The following HIGD1A variants were observed in gnomAD, a reference collection of about 807,000 sequenced individuals.
The protein encoded by HIGD1A is HIG1 hypoxia inducible domain family member 1A.
HIGD1A carries 8 observed loss-of-function variants against 11.3 expected under a neutral mutation model. The ratio of observed to expected loss-of-function variants is 0.71; its 90% CI spans 0.42 to 1.28. The LOEUF (loss-of-function observed/expected upper bound fraction) is 1.28. Among genes scored for constraint, HIGD1A ranks in the 50% most tolerant of loss-of-function variants. HIGD1A has a pLI of 0.01. For missense variants in HIGD1A, 107 were observed against 118.8 expected (o/e 0.90, Z 0.46); for synonymous variants, 32 against 38.4 (o/e 0.83, Z 0.62).
intron 2 of HIGD1A, among the ~76,000 whole-genome samples, chr3:42,787,028 A>G (rs1700360638): frequency 6.6e-6 from 1 of 152,222 alleles, no homozygotes; most frequent in Non-Finnish European, 1.5e-5. Context: ...AGAAATAAAG[A>G]CATAATGGTT....
chr3:42,800,189 T>C (rs1700538363), intron 1 of HIGD1A, among the ~76,000 whole-genome samples: 1 of 151,924 alleles, frequency 6.6e-6, no homozygotes, highest in African/African-American at 2.4e-5. Context: ...TAGCTGGGCA[T>C]AGTGGTGTGC....
intron 1 of HIGD1A, 124 bp downstream of exon 1, chr3:42,804,312 T>A (rs962393330): frequency 2.1e-6 from 2 of 938,806 alleles, no homozygotes; most frequent in Non-Finnish European, 3.2e-6. Flanking sequence ...TCCTCCCTCA[T>A]TCGAGACACG....
intron 2 of HIGD1A, among the ~76,000 whole-genome samples, chr3:42,787,223 T>G (rs147890020): frequency 5.7e-4 from 87 of 151,844 alleles, no homozygotes; most frequent in African/African-American, 2.1e-3. Flanking sequence ...AAAAAACACA[T>G]CCTAGTTTGA....
chr3:42,787,594 A>AAAAAAAAAAAT (rs1383516264), intron 2 of HIGD1A, among the ~76,000 whole-genome samples: 13 of 141,250 alleles, frequency 9.2e-5, no homozygotes, highest in East Asian at 2.1e-4. Context: ...CCATCTCAAA[A>AAAAAAAAAAAT]ATATATATAT....
At chr3:42,793,455 C>T (rs1460983141) in intron 2 of HIGD1A, among the ~76,000 whole-genome samples, 1 of 152,206 alleles carries the variant, frequency 6.6e-6, no homozygotes, top group African/African-American at 2.4e-5. Context: ...CCCCCTCTCC[C>T]CCTGTGGGAC....
chr3:42,794,241 T>C lies in HIGD1A; in HGVS notation c.13A>G (p.Thr5Ala), dbSNP rs1575361634. The change falls in exon 2 of 4, where the codon ACA becomes GCA. Residue 5 changes from threonine (T) to alanine (A), a missense_variant. Transcript: ENST00000321331. MSTD[T>A]GVSLPSYEED... ...TCATATGAAGGAAGGGAAACACCTGTGTCTGTTGACATAGTGATTGCTTGA... is the reference window on the plus strand; with the variant it reads ...TCATATGAAGGAAGGGAAACACCTGCGTCTGTTGACATAGTGATTGCTTGA... 2.5e-6 allele frequency: 4 copies of C among 1,603,408 alleles called. No homozygotes were observed. The highest frequency in any genetic ancestry group is 4.5e-5 in the East Asian group (2 of 44,324).
intron 2 of HIGD1A, among the ~76,000 whole-genome samples, chr3:42,786,929 T>C (rs1453806579): frequency 6.6e-6 from 1 of 152,120 alleles, no homozygotes; most frequent in Non-Finnish European, 1.5e-5. Context: ...GAGGGCTGTC[T>C]TTCCCAAGCT....
rs111945781 is a variant in HIGD1A at position 42,785,964 on chromosome 3, A to G, written c.232+64T>C. On this transcript the variant is annotated intron_variant, in intron 3 of 3. Coordinates refer to ENST00000321331, the MANE Select transcript of HIGD1A (RefSeq NM_014056.4). ...AAAGGTCAGCTAAAAATATTTACCT[A>G]TTTTGTTTGTAAAGAAATACCTTAA... is the stretch of plus-strand genomic sequence containing the variant. The G allele has an allele frequency of 1.3e-4, 185 of 1,476,490 alleles. 4 individuals are homozygous for G. The Middle Eastern group carries it at 2.2e-3, about 17-fold the overall frequency. The allele number at this position is 1,476,490 out of a possible 1,614,324, so 91.5% of individuals were successfully genotyped here. A position where few individuals can be genotyped will look rare whatever the true frequency, so the allele number is the denominator to read the frequency against.
At chr3:42,793,378 C>T (rs1363015929) in intron 2 of HIGD1A, among the ~76,000 whole-genome samples, 8 of 152,146 alleles carry the variant, frequency 5.3e-5, no homozygotes. Context: ...GCTTGGTGGG[C>T]TTCCCTAGAT....
At chr3:42,801,825 A>G (rs1393678795) in intron 1 of HIGD1A, among the ~76,000 whole-genome samples, 1 of 152,202 alleles carries the variant, frequency 6.6e-6, no homozygotes, top group Non-Finnish European at 1.5e-5. Context: ...TTTTTGCCTG[A>G]ATCATTTCTA....
chr3:42,791,992 G>T (rs1700426534), intron 2 of HIGD1A, among the ~76,000 whole-genome samples: 1 of 152,044 alleles, frequency 6.6e-6, no homozygotes, highest in African/African-American at 2.4e-5. Flanking sequence ...GTTCCTATAT[G>T]CATTGTTATA....
chr3:42,790,313 A>G (rs1314227963), intron 2 of HIGD1A, among the ~76,000 whole-genome samples: 1 of 152,134 alleles, frequency 6.6e-6, no homozygotes, highest in Non-Finnish European at 1.5e-5. Flanking sequence ...CAGGTGGATC[A>G]TTTGAGGTCA....
intron 2 of HIGD1A, among the ~76,000 whole-genome samples, chr3:42,790,245 A>G (rs1462034846): frequency 6.6e-6 from 1 of 152,188 alleles, no homozygotes; most frequent in Non-Finnish European, 1.5e-5. Context: ...ATGAAACACA[A>G]CTAGAGGCCA....
intron 1 of HIGD1A, among the ~76,000 whole-genome samples, chr3:42,803,658 G>C (rs1700598650): frequency 6.6e-6 from 1 of 152,198 alleles, no homozygotes; most frequent in African/African-American, 2.4e-5. Context: ...CCCTGTCGTG[G>C]GGATTACTCC....
In HIGD1A at chr3:42,782,958, T is replaced by G. The variant is rs1156675847; in HGVS notation, c.*2313A>C. On this transcript the variant is annotated 3_prime_UTR_variant, in exon 4 of 4. Transcript: ENST00000321331. ...CCAAAGAAAAATATGAACTGAGAAT[T>G]GTATTATCTAGCCAAATTGTTTTTA... 1.3e-5 allele frequency among the ~76,000 whole-genome samples: 2 copies of G among 152,260 alleles called. No homozygotes were observed. The highest frequency in any genetic ancestry group is 4.8e-5 in the African/African-American group (2 of 41,478).
intron 1 of HIGD1A, among the ~76,000 whole-genome samples, chr3:42,801,504 A>G (rs1700561932): frequency 6.6e-6 from 1 of 152,222 alleles, no homozygotes; most frequent in Non-Finnish European, 1.5e-5. Context: ...TAATATGTAC[A>G]CTACAAATGT....
At chr3:42,787,594 A>AAAAAAAAAAATAT (rs1383516264) in intron 2 of HIGD1A, among the ~76,000 whole-genome samples, 2 of 141,256 alleles carry the variant, frequency 1.4e-5, no homozygotes, top group Non-Finnish European at 3.0e-5. Flanking sequence ...CCATCTCAAA[A>AAAAAAAAAAATAT]ATATATATAT....
Position 42,795,219 on chromosome 3 carries a change from CTT to C in HIGD1A, c.-22-946_-22-945del, listed in dbSNP as rs5848631. On this transcript the variant is annotated intron_variant, in intron 1 of 3. Coordinates refer to ENST00000321331, the MANE Select transcript of HIGD1A (RefSeq NM_014056.4). Reference sequence around the variant, plus strand: ...AGCCACTGTGCCAGCTTATGATTAGCTTTTTTTTTTTTTTTTGAGATGGAGTT... The same window carrying C: ...AGCCACTGTGCCAGCTTATGATTAGCTTTTTTTTTTTTTTGAGATGGAGTT... Among the ~76,000 whole-genome samples, 432 of 127,576 alleles carry C rather than the reference CTT, an allele frequency of 3.4e-3. 1 individual carries two copies. The highest frequency in any genetic ancestry group is 4.1e-3 in the Middle Eastern group (1 of 246). 83.7% of individuals were successfully genotyped at this position (127,576 alleles called of 152,430 possible). A position where few individuals can be genotyped will look rare whatever the true frequency, so the allele number is the denominator to read the frequency against.
chr3:42,790,544 A>T (rs937238402), intron 2 of HIGD1A, among the ~76,000 whole-genome samples: 1 of 152,246 alleles, frequency 6.6e-6, no homozygotes, highest in Admixed American at 6.5e-5. Flanking sequence ...AAAGAAAGAA[A>T]GAAAAACAAC....
Sources: allele counts gnomAD v4.1 joint callset (sites outside exome capture counted in the v4.1 genomes callset), GRCh38; gene constraint gnomAD v4.1.1; transcripts MANE v1.5; gene names NCBI Gene and HGNC (gene_info 2026-07-23, HGNC 2026-07-21).